The following ATG16L2 variants were observed in gnomAD, a reference collection of about 807,000 sequenced individuals.
ATG16L2 encodes the protein autophagy related 16 like 2.
ATG16L2 carries 77 observed loss-of-function variants against 84.7 expected under a neutral mutation model. The ratio of observed to expected loss-of-function variants is 0.91; its 90% confidence interval spans 0.76 to 1.10. ATG16L2 has a LOEUF of 1.10. Among genes scored for constraint, ATG16L2 ranks in the 50% least tolerant of loss-of-function variants. The pLI is 0.00. For missense variants in ATG16L2, 782 were observed against 817.6 expected (o/e 0.96, Z 0.53); for synonymous variants, 361 against 342.8 (o/e 1.05, Z -0.59).
At chr11:72,838,508 C>T (rs1860800792) in intron 5 of ATG16L2, 1 of 474,196 alleles carries the variant, frequency 2.1e-6, no homozygotes, top group African/African-American at 2.0e-5. Flanking sequence ...CATATAAAAA[C>T]AGACCACTGT....
chr11:72,840,752 CA>C (rs1440677416), intron 5 of ATG16L2: 5 of 683,768 alleles, frequency 7.3e-6, no homozygotes, highest in Non-Finnish European at 1.3e-5. Context: ...TTTACCTTCC[CA>C]AACCCAGTTC....
intron 10 of ATG16L2, among the ~76,000 whole-genome samples, chr11:72,825,701 G>A (rs79961755): frequency 6.6e-6 from 1 of 152,254 alleles, no homozygotes; most frequent in East Asian, 1.9e-4. Flanking sequence ...TACAGGGACA[G>A]GCCCTTGAAG....
Position 72,822,870 on chromosome 11 carries a change from G to C in ATG16L2, c.733G>C (p.Gly245Arg). 6.4e-7 allele frequency: 1 copy of C among 1,569,468 alleles called. No homozygotes were observed. Among genetic ancestry groups the C allele is most frequent in the Non-Finnish European group, 8.6e-7 (1 of 1,156,576 alleles). ...ISEGPDTLGDGMRERRETLAL... is the reference protein window; with the variant it reads ...ISEGPDTLGDRMRERRETLAL... The stretch of plus-strand genomic sequence containing the variant: ...TAGGGGCCCGGACACCCTAGGCGAT[G>C]GGATGAGGGAGAGAAGGGAGACTCT... Residue 245 changes from glycine to arginine, a missense_variant, in exon 7 of 18, where the codon GGG (glycine) becomes CGG (arginine). Coordinates refer to ENST00000321297, the MANE Select transcript of ATG16L2 (RefSeq NM_033388.2). The surrounding 1 kb of genome is among the most constrained non-coding windows in gnomAD (Gnocchi z 4.2).
exon 6 of ATG16L2, chr11:72,842,960 A>C: frequency 1.1e-6 from 1 of 937,972 alleles, no homozygotes. Flanking sequence ...TTAAAGTTGT[A>C]ATTTTTTTAC....
In ATG16L2 at chr11:72,826,057, A is replaced by G. The variant is rs554219260; in HGVS notation, c.1103-116A>G. ...ACAGACCCAGCGATTCTGTCTTCTA[A>G]CCTGGGGATGTGTCGGGGGGTGGGG... On this transcript the variant is annotated intron_variant, in intron 10 of 17. Transcript: ENST00000321297. 4.9e-6 allele frequency: 4 copies of G among 822,850 alleles called. No homozygotes were observed. In the African/African-American group the frequency reaches 6.8e-5, roughly 14 times the overall value. 51.0% of individuals were successfully genotyped at this position (822,850 alleles called of 1,614,324 possible).
At chr11:72,821,926 T>C in intron 4 of ATG16L2, 118 bp from the exon 5 acceptor site, 1 of 1,421,746 alleles carries the variant, frequency 7.0e-7, no homozygotes. Context: ...AGACCTGGCT[T>C]AGCCACCCGG....
intron 3 of ATG16L2, 54 bp downstream of exon 3, chr11:72,817,909 C>A (rs751230493): frequency 4.8e-6 from 7 of 1,470,160 alleles, no homozygotes; most frequent in Non-Finnish European, 6.5e-6. Context: ...CCAAGGGAGC[C>A]AGCCAGTGAC....
At position 72,826,835 on chromosome 11, in the gene ATG16L2, C is replaced by A. The variant is rs1239474109; in HGVS notation, c.1366+12C>A. The A allele has an allele frequency of 1.9e-6, 3 of 1,611,704 alleles. No individual in the cohort carries two copies. The South Asian group carries it at 3.3e-5, about 18-fold the overall frequency. Reference sequence around the variant, plus strand: ...CGGCCGTGCCTATTGTGAGCCCGAGCCCCAGCCCCACCTCTCCTCCCCACC... The same window carrying A: ...CGGCCGTGCCTATTGTGAGCCCGAGACCCAGCCCCACCTCTCCTCCCCACC... On this transcript the variant is annotated intron_variant, in intron 13 of 17. Transcript: ENST00000321297.
chr11:72,829,698 G>T, downstream of ATG16L2: 2 of 1,043,432 alleles, frequency 1.9e-6, no homozygotes, highest in Non-Finnish European at 2.4e-6. Context: ...GTGGGCTCTG[G>T]AAGATCCAGG....
At position 72,840,885 on chromosome 11, in the gene ATG16L2, G is replaced by C. The variant is rs753298581; in HGVS notation, c.*22-1732G>C. Reference sequence around the variant, plus strand: ...CAAGATCAGAGACTTACAGGTCGCAGTTTGCCATATGAGGTCTCAGGAGTA... The same window carrying C: ...CAAGATCAGAGACTTACAGGTCGCACTTTGCCATATGAGGTCTCAGGAGTA... On this transcript the variant is annotated intron_variant, in intron 5 of 5. Coordinates refer to the ATG16L2 transcript ENST00000534905. 3 of 1,609,770 alleles carry C rather than the reference G, an allele frequency of 1.9e-6. No individual in the cohort carries two copies. In the South Asian group the frequency reaches 3.3e-5, roughly 18 times the overall value.
exon 6 of ATG16L2, chr11:72,843,545 A>G (rs1202801259): frequency 6.2e-7 from 1 of 1,601,998 alleles, no homozygotes; most frequent in Admixed American, 1.7e-5. Flanking sequence ...GCAGTGTAGG[A>G]TGGTCATGGA....
chr11:72,817,664 T>C lies in ATG16L2; in HGVS notation c.219-92T>C, dbSNP rs894813498. 6.2e-5 allele frequency: 79 copies of C among 1,278,000 alleles called. No individual in the cohort carries two copies. In the African/African-American group the frequency reaches 1.1e-3, roughly 18 times the overall value. 79.2% of individuals were successfully genotyped at this position (1,278,000 alleles called of 1,614,324 possible). A position where few individuals can be genotyped will look rare whatever the true frequency, so the allele number is the denominator to read the frequency against. ...CTTCCCAGGACGAAGTTAATGGCTC[T>C]TGTTTTAGGCTTTTCATGTAGCATC... On this transcript the variant is annotated intron_variant, in intron 2 of 17. Transcript: ENST00000321297.
Position 72,826,194 on chromosome 11 carries a change from C to A in ATG16L2, c.1124C>A (p.Thr375Asn). ...CCAGGTCGCCTGGAGGCCAACCAGA[C>A]CCTGGAGGGAGCTGGTGGCAGCATC... Reference protein sequence around the residue: ...VVGSRLEANQTLEGAGGSITS... With the variant: ...VVGSRLEANQNLEGAGGSITS... The change falls in exon 11 of 18, where the codon ACC becomes AAC. Residue 375 changes from threonine (T) to asparagine (N), a missense_variant. Coordinates refer to ENST00000321297, the MANE Select transcript of ATG16L2 (RefSeq NM_033388.2). 6.2e-7 allele frequency: 1 copy of A among 1,613,876 alleles called. No individual in the cohort carries two copies. Among genetic ancestry groups the A allele is most frequent in the Non-Finnish European group, 8.5e-7 (1 of 1,179,844 alleles).
chr11:72,821,881 C>G (rs1055907841), intron 4 of ATG16L2, 140 bp downstream of exon 4: 34 of 1,420,808 alleles, frequency 2.4e-5, no homozygotes, highest in Non-Finnish European at 3.0e-5. Flanking sequence ...GCCAGAGGAC[C>G]GAACGGCTGG....
chr11:72,815,682 G>A (rs573980900), intron 1 of ATG16L2, among the ~76,000 whole-genome samples: 8 of 152,330 alleles, frequency 5.3e-5, no homozygotes, highest in Non-Finnish European at 1.2e-4. Context: ...GCTGGGTGCT[G>A]CAGTACCCTG....
At chr11:72,841,053 A>G in intron 5 of ATG16L2, 1 of 926,550 alleles carries the variant, frequency 1.1e-6, no homozygotes, top group East Asian at 2.5e-5. Context: ...CTGTAATCCC[A>G]GCACTTTGGG....
chr11:72,823,672 T>C (rs1860151481), intron 7 of ATG16L2: 1 of 460,476 alleles, frequency 2.2e-6, no homozygotes, highest in Non-Finnish European at 4.3e-6. Context: ...ACACACCCTC[T>C]CCTGGGCATT....
At position 72,824,730 on chromosome 11, in the gene ATG16L2, C is replaced by T. The variant is rs879428448; in HGVS notation, c.888-4C>T. ...CCTCCTGACCCCAACCCACCTTACC[C>T]CAGTTTTAAGAAGAGGAGAGGTCAC... On this transcript the variant is annotated splice_polypyrimidine_tract_variant and splice_region_variant and intron_variant, in intron 8 of 17. Coordinates refer to ENST00000321297, the MANE Select transcript of ATG16L2 (RefSeq NM_033388.2). 59 of 1,612,988 alleles carry T rather than the reference C, an allele frequency of 3.7e-5. No homozygotes were observed. The Middle Eastern group carries it at 1.5e-3, about 40-fold the overall frequency.
chr11:72,825,169 CAGAG>C (rs1178024778), intron 9 of ATG16L2, 129 bp from the exon 10 acceptor site: 6 of 702,400 alleles, frequency 8.5e-6, no homozygotes, highest in African/African-American at 7.1e-5. Flanking sequence ...AGAGTGTGGA[CAGAG>C]AAACTGGGGA....
Sources: allele counts gnomAD v4.1 joint callset (sites outside exome capture counted in the v4.1 genomes callset), GRCh38; gene constraint gnomAD v4.1.1; non-coding constraint Gnocchi (gnomAD v3.1); transcripts MANE v1.5; gene names NCBI Gene and HGNC (gene_info 2026-07-23, HGNC 2026-07-21).